RRM1: variants seen among roughly 807,000 people sequenced by gnomAD.
RRM1 encodes ribonucleoside-diphosphate reductase large subunit.
In RRM1, 19 loss-of-function variants were observed where a neutral mutation model predicts 101.5. The observed-to-expected ratio is 0.19, with a 90% CI of 0.13 to 0.27. The LOEUF is 0.27. RRM1 is among the 10% of genes least tolerant of loss of function. The probability of loss-of-function intolerance (pLI) is 1.00; values close to 1 mark genes in which losing one functional copy is unlikely to be tolerated. For missense variants in RRM1, 500 were observed against 962.9 expected (o/e 0.52, Z 6.36); for synonymous variants, 298 against 323.4 (o/e 0.92, Z 0.84).
intron 4 of RRM1, among the ~76,000 whole-genome samples, chr11:4,108,766 C>T (rs1054505855): frequency 6.6e-6 from 1 of 152,068 alleles, no homozygotes; most frequent in Admixed American, 6.6e-5. Flanking sequence ...AAACCTGTGT[C>T]TAAAAATATA....
intron 9 of RRM1, 114 bp from the exon 10 acceptor site, chr11:4,121,490 A>C: frequency 1.7e-6 from 1 of 592,488 alleles, no homozygotes; most frequent in South Asian, 4.3e-5. Flanking sequence ...TATTTATGTT[A>C]TTTAATTCAT....
chr11:4,118,533 C>A, intron 8 of RRM1, 72 bp downstream of exon 8: 1 of 1,540,108 alleles, frequency 6.5e-7, no homozygotes, highest in Non-Finnish European at 8.9e-7. Flanking sequence ...GTTGAGAGGG[C>A]ATATGCTATT....
At chr11:4,115,362 A>G (rs76307694) in intron 7 of RRM1, among the ~76,000 whole-genome samples, 44 of 152,188 alleles carry the variant, frequency 2.9e-4, no homozygotes, top group Admixed American at 7.8e-4. Context: ...GCTGAGGGAG[A>G]TAACGACTCA....
chr11:4,122,075 G>A (rs2094582707), intron 10 of RRM1, 66 bp from the exon 11 acceptor site: 2 of 1,231,604 alleles, frequency 1.6e-6, no homozygotes, highest in Non-Finnish European at 2.3e-6. Flanking sequence ...TGCTTGCAGT[G>A]TTTCTAATGG....
Position 4,112,046 on chromosome 11 carries a change from C to T in RRM1, c.634C>T (p.Arg212Cys). 6.8e-6 allele frequency: 11 copies of T among 1,613,064 alleles called. No homozygotes were observed. The highest frequency in any genetic ancestry group is 1.1e-5 in the South Asian group (1 of 90,810). Residue 212 changes from arginine to cysteine, a missense_variant, in exon 7 of 19, where the codon CGC (arginine) becomes TGC (cysteine). Arg to Cys is a radical substitution (Grantham distance 180). This residue lies in a region of RRM1 where 111 missense variants were observed against 219.8 expected (regional missense o/e 0.51). Coordinates refer to ENST00000300738, the MANE Select transcript of RRM1 (RefSeq NM_001033.5). ...SPTLFNAGTN[R>C]PQLSSCFLLS... ...CACTCTCTTCAATGCTGGTACCAAC[C>T]GCCCACAACTTTCTAGGTAGGTGTT...
rs1409708058 is a variant in RRM1, at chr11:4,102,106, G to A, written c.108+25G>A. 2.5e-6 allele frequency: 3 copies of A among 1,223,530 alleles called. No homozygotes were observed. In the East Asian group the frequency reaches 7.0e-5, roughly 28 times the overall value. The allele number at this position is 1,223,530 out of a possible 1,614,324, so 75.8% of individuals were successfully genotyped here. A position where few individuals can be genotyped will look rare whatever the true frequency, so the allele number is the denominator to read the frequency against. ...TGTAAGTAAATATGGTTTTTATCTT[G>A]GGTTCCTTCTTTCATGTGTTTCTTT... On this transcript the variant is annotated intron_variant, in intron 2 of 18. Coordinates refer to ENST00000300738, the MANE Select transcript of RRM1 (RefSeq NM_001033.5).
intron 11 of RRM1, among the ~76,000 whole-genome samples, chr11:4,122,845 C>G (rs1455990575): frequency 1.3e-5 from 2 of 151,204 alleles, no homozygotes; most frequent in African/African-American, 4.9e-5. Flanking sequence ...TGCACTCCAG[C>G]CTGGGTGATA....
chr11:4,118,215 C>G (rs1358697852), intron 7 of RRM1, 105 bp from the exon 8 acceptor site: 1 of 1,116,532 alleles, frequency 9.0e-7, no homozygotes, highest in Non-Finnish European at 1.3e-6. Context: ...TTCTAAACTT[C>G]AACTCTTTTT....
chr11:4,132,743 A>G lies in RRM1; in HGVS notation c.1905+322A>G, dbSNP rs574140787. Among the ~76,000 whole-genome samples, 72 of 152,320 alleles carry G rather than the reference A, an allele frequency of 4.7e-4. 2 individuals carry two copies. The highest frequency in any genetic ancestry group is 1.7e-3 in the African/African-American group (70 of 41,570). On this transcript the variant is annotated intron_variant, in intron 16 of 18. Coordinates refer to ENST00000300738, the MANE Select transcript of RRM1 (RefSeq NM_001033.5). The surrounding 1 kb of genome is among the most constrained non-coding windows in gnomAD (Gnocchi z 4.1). The stretch of plus-strand genomic sequence containing the variant: ...CCCAGATGCTTAAGTTAGGATACTC[A>G]AAATGTATAAAGAAGTATCATTTAA...
intron 15 of RRM1, among the ~76,000 whole-genome samples, chr11:4,130,066 T>TATATATA (rs1554976190): frequency 0.017 from 569 of 32,842 alleles, 12 homozygotes; most frequent in Non-Finnish European, 0.025. Flanking sequence ...TGTACTGTAT[T>TATATATA]TATATATATA....
rs773210006 is a variant in RRM1, at chr11:4,119,822, TTCTA to T, written c.793-20_793-17del. The T allele has an allele frequency of 1.3e-6, 2 of 1,494,986 alleles. No homozygotes were observed. Among genetic ancestry groups the T allele is most frequent in the African/African-American group, 2.7e-5 (2 of 72,902 alleles). 92.6% of individuals were successfully genotyped at this position (1,494,986 alleles called of 1,614,324 possible). Reference sequence around the variant, plus strand: ...TTCTTTGCTGAGTGCCCTCTGTCATTTCTATCATGGTCTCTCTTTTAGACTAATG... The same window carrying T: ...TTCTTTGCTGAGTGCCCTCTGTCATTTCATGGTCTCTCTTTTAGACTAATG... On this transcript the variant is annotated intron_variant, in intron 8 of 18. Coordinates refer to ENST00000300738, the MANE Select transcript of RRM1 (RefSeq NM_001033.5).
chr11:4,099,311 T>TTTTTTTTTG, intron 1 of RRM1: 1 of 141,354 alleles, frequency 7.1e-6, no homozygotes, highest in Non-Finnish European at 1.5e-5. Flanking sequence ...TTTTTTTTTT[T>TTTTTTTTTG]TTTGTATTTT....
chr11:4,130,066 T>TTATATATATATATATATATATATATATA (rs746526097), intron 15 of RRM1, among the ~76,000 whole-genome samples: 4 of 32,988 alleles, frequency 1.2e-4, no homozygotes, highest in African/African-American at 4.1e-4. Context: ...TGTACTGTAT[T>TTATATATATATATATATATATATATATA]TATATATATA....
chr11:4,095,174 CCGCTCGG>C (rs2094541829), intron 1 of RRM1, 143 bp downstream of exon 1: 1 of 1,013,808 alleles, frequency 9.9e-7, no homozygotes. Context: ...CCCTGTCAGC[CCGCTCGG>C]CCTTCTGTCT....
At chr11:4,097,240 T>C (rs74821028) in intron 1 of RRM1, among the ~76,000 whole-genome samples, 1,634 of 139,204 alleles carry the variant, frequency 0.012, 25 homozygotes, top group African/African-American at 0.041. Context: ...AATCGTGCCA[T>C]TGCACTCCAG....
intron 1 of RRM1, among the ~76,000 whole-genome samples, chr11:4,095,720 C>G (rs2094542653): frequency 6.6e-6 from 1 of 152,142 alleles, no homozygotes; most frequent in Non-Finnish European, 1.5e-5. Flanking sequence ...GTCAGGAACT[C>G]GTATTCTTTC....
At chr11:4,109,748 T>C in intron 5 of RRM1, 45 bp downstream of exon 5, 1 of 1,454,802 alleles carries the variant, frequency 6.9e-7, no homozygotes, top group Non-Finnish European at 9.5e-7. Flanking sequence ...ACTTAAATCA[T>C]GAAATAAAGG....
intron 12 of RRM1, among the ~76,000 whole-genome samples, chr11:4,124,265 G>A (rs2094586197): frequency 6.6e-6 from 1 of 152,156 alleles, no homozygotes; most frequent in Admixed American, 6.5e-5. Flanking sequence ...TGTGAGAAGG[G>A]ATTAGAGGTT....
At chr11:4,111,495 A>T in intron 5 of RRM1, 106 bp from the exon 6 acceptor site, 1 of 627,386 alleles carries the variant, frequency 1.6e-6, no homozygotes, top group South Asian at 3.0e-5. Context: ...TTGAAATTTT[A>T]TAGAAACGGC....
Sources: gnomAD v4.1 joint callset for allele counts (sites outside exome capture counted in the v4.1 genomes callset) on GRCh38, gnomAD v4.1.1 for gene constraint, gnomAD v4.1.1 regional missense constraint, Gnocchi (gnomAD v3.1) non-coding constraint, MANE v1.5 for transcripts, NCBI Gene and HGNC (gene_info 2026-07-23, HGNC 2026-07-21) for gene names.